PPARGC1A: variants seen among roughly 807,000 people sequenced by gnomAD.
PPARGC1A encodes the protein peroxisome proliferator-activated receptor gamma coactivator 1-alpha.
PPARGC1A carries 25 observed loss-of-function variants against 88.7 expected under a neutral mutation model. The observed-to-expected ratio is 0.28, with a 90% CI of 0.21 to 0.39. PPARGC1A has a LOEUF of 0.39. Among genes scored for constraint, PPARGC1A ranks in the 10% least tolerant of loss-of-function variants. The pLI, the probability that PPARGC1A is intolerant of heterozygous loss-of-function variation, is 1.00. For missense variants in PPARGC1A, 880 were observed against 968.7 expected (o/e 0.91, Z 1.22); for synonymous variants, 363 against 355.6 (o/e 1.02, Z -0.24).
the PPARGC1A span, among the ~76,000 whole-genome samples, chr4:24,438,399 A>G: frequency 6.6e-6 from 1 of 152,188 alleles, no homozygotes; most frequent in East Asian, 1.9e-4. Flanking sequence ...TGTGGATAAT[A>G]CCCATACCAC....
chr4:23,934,823 G>A, the PPARGC1A span, among the ~76,000 whole-genome samples: 1 of 152,210 alleles, frequency 6.6e-6, no homozygotes, highest in African/African-American at 2.4e-5. Flanking sequence ...GATCCAGGAA[G>A]TGAATAAGCA....
At position 23,802,307 on chromosome 4, in the gene PPARGC1A, A is replaced by C. The variant is rs370801615; in HGVS notation, c.2058T>G (p.Pro686=). 5.0e-6 allele frequency: 8 copies of C among 1,613,932 alleles called. No individual in the cohort carries two copies. Among genetic ancestry groups the C allele is most frequent in the Non-Finnish European group, 5.9e-6 (7 of 1,179,986 alleles). Residue 686 remains proline (P), a synonymous_variant, in exon 11 of 13, where the codon CCT becomes CCG. Transcript: ENST00000264867. ...CCCTCAGTTCTGTCCGTGTTGTGTCAGGTCTGATTTTACCGACATAAATCA... is the reference window on the plus strand; with the variant it reads ...CCCTCAGTTCTGTCCGTGTTGTGTCCGGTCTGATTTTACCGACATAAATCA... ...RRVIYVGKIR[P]DTTRTELRDR...
the PPARGC1A span, among the ~76,000 whole-genome samples, chr4:23,943,147 T>C: frequency 6.6e-6 from 1 of 152,144 alleles, no homozygotes; most frequent in Non-Finnish European, 1.5e-5. Flanking sequence ...CCTGAGTTTG[T>C]TTCATTGTAA....
chr4:23,915,906 C>G, the PPARGC1A span, among the ~76,000 whole-genome samples: 10 of 152,330 alleles, frequency 6.6e-5, no homozygotes, highest in South Asian at 2.1e-3. Flanking sequence ...CCACCACCCC[C>G]TCCCTGTGCC....
the PPARGC1A span, among the ~76,000 whole-genome samples, chr4:24,007,897 C>CCT: frequency 6.6e-6 from 1 of 151,996 alleles, no homozygotes; most frequent in Non-Finnish European, 1.5e-5. Context: ...TCAGAGCTGC[C>CCT]CTCTCTCTCT....
chr4:24,455,741 C>T, the PPARGC1A span, among the ~76,000 whole-genome samples: 1 of 152,250 alleles, frequency 6.6e-6, no homozygotes, highest in Non-Finnish European at 1.5e-5. Context: ...CTCACCTCCT[C>T]TTGCCCTCTT....
chr4:24,421,509 CA>C, the PPARGC1A span, among the ~76,000 whole-genome samples: 1 of 152,080 alleles, frequency 6.6e-6, no homozygotes, highest in Admixed American at 6.5e-5. Flanking sequence ...GACGGGGTTT[CA>C]CCGTGTTAGC....
At chr4:23,812,245 A>C (rs1214393553) in intron 10 of PPARGC1A, among the ~76,000 whole-genome samples, 1 of 152,038 alleles carries the variant, frequency 6.6e-6, no homozygotes, top group Non-Finnish European at 1.5e-5. Context: ...GCCTGGCCAG[A>C]AATGATGACT....
At chr4:23,837,529 G>A (rs895309646) in intron 2 of PPARGC1A, among the ~76,000 whole-genome samples, 2 of 152,022 alleles carry the variant, frequency 1.3e-5, no homozygotes, top group African/African-American at 4.8e-5. Context: ...CAGACGTTTA[G>A]CACTGGGCCA....
intron 10 of PPARGC1A, among the ~76,000 whole-genome samples, chr4:23,811,889 C>CTTTTT (rs71196134): frequency 3.4e-5 from 2 of 59,040 alleles, no homozygotes; most frequent in African/African-American, 1.3e-4. Context: ...GAAGAAATGA[C>CTTTTT]TTTTTTTTTT....
intron 2 of PPARGC1A, among the ~76,000 whole-genome samples, chr4:23,832,481 G>A (rs1219157529): frequency 2.6e-5 from 4 of 152,022 alleles, no homozygotes; most frequent in Non-Finnish European, 4.4e-5. Flanking sequence ...AACTCTGGAC[G>A]TATTTTTACT....
At chr4:23,925,038 T>G in the PPARGC1A span, among the ~76,000 whole-genome samples, 737 of 152,328 alleles carry the variant, frequency 4.8e-3, 38 homozygotes, top group East Asian at 0.1. Context: ...AACCTTCAAG[T>G]GTCCTCAGAA....
the PPARGC1A span, among the ~76,000 whole-genome samples, chr4:24,029,910 T>A: frequency 6.6e-6 from 1 of 152,184 alleles, no homozygotes; most frequent in South Asian, 2.1e-4. Context: ...GGATGGCATA[T>A]GCTGCCAAGT....
intron 10 of PPARGC1A, among the ~76,000 whole-genome samples, chr4:23,807,083 T>C (rs542181616): frequency 1.4e-4 from 22 of 152,160 alleles, no homozygotes; most frequent in Non-Finnish European, 3.1e-4. Flanking sequence ...ACTTTGGCAG[T>C]GAAATACTAG....
the PPARGC1A span, among the ~76,000 whole-genome samples, chr4:24,307,805 T>A: frequency 1.3e-5 from 2 of 152,134 alleles, no homozygotes; most frequent in African/African-American, 4.8e-5. Context: ...TAGTCCCGGC[T>A]TTTTCCACTA....
At chr4:24,266,826 T>C in the PPARGC1A span, among the ~76,000 whole-genome samples, 4 of 152,186 alleles carry the variant, frequency 2.6e-5, no homozygotes, top group African/African-American at 7.2e-5. Flanking sequence ...CTAACTCAGC[T>C]TTCCACAACA....
chr4:23,806,865 A>C (rs1004738778), intron 10 of PPARGC1A, among the ~76,000 whole-genome samples: 1 of 152,208 alleles, frequency 6.6e-6, no homozygotes, highest in Non-Finnish European at 1.5e-5. Context: ...CAAAGAAAAG[A>C]CAGAAGGTAG....
At chr4:24,286,242 G>A in the PPARGC1A span, among the ~76,000 whole-genome samples, 5 of 152,242 alleles carry the variant, frequency 3.3e-5, no homozygotes, top group African/African-American at 4.8e-5. Context: ...TATTGCTACC[G>A]AGGGAAAGTT....
intron 5 of PPARGC1A, 135 bp downstream of exon 5, chr4:23,828,265 A>G (rs1724348931): frequency 5.5e-6 from 5 of 907,576 alleles, no homozygotes; most frequent in Non-Finnish European, 8.6e-6. Context: ...CCGCTCTGTA[A>G]TAAGTGCTGA....
Sources: allele counts gnomAD v4.1 joint callset (sites outside exome capture counted in the v4.1 genomes callset), GRCh38; gene constraint gnomAD v4.1.1; transcripts MANE v1.5; gene names NCBI Gene and HGNC (gene_info 2026-07-23, HGNC 2026-07-21).